The following TRAPPC9 variants were observed in gnomAD, a reference collection of about 807,000 sequenced individuals.
TRAPPC9 encodes trafficking protein particle complex subunit 9, also known as IKK2 binding protein.
TRAPPC9 carries 83 observed loss-of-function variants against 124.0 expected under a neutral mutation model. The ratio of observed to expected loss-of-function variants is 0.67; its 90% CI spans 0.56 to 0.80. The LOEUF (loss-of-function observed/expected upper bound fraction) is 0.80, where lower values mean the gene tolerates loss of function less well. TRAPPC9 is among the 30% of genes least tolerant of loss of function. The pLI is 0.00. For missense variants in TRAPPC9, 1,302 were observed against 1,508.3 expected (o/e 0.86, Z 2.27); for synonymous variants, 638 against 617.5 (o/e 1.03, Z -0.49).
intron 17 of TRAPPC9, among the ~76,000 whole-genome samples, chr8:140,073,950 A>C (rs1843345651): frequency 6.6e-6 from 1 of 152,178 alleles, no homozygotes; most frequent in Non-Finnish European, 1.5e-5. Context: ...TGACCTCATT[A>C]AATCCTCCCA....
intron 19 of TRAPPC9, among the ~76,000 whole-genome samples, chr8:139,963,459 AT>A (rs2131572546): frequency 6.6e-6 from 1 of 152,268 alleles, no homozygotes; most frequent in South Asian, 2.1e-4. Context: ...TTTCATCCTT[AT>A]TCCCTGGGTG....
chr8:140,175,247 G>A (rs563958272), intron 17 of TRAPPC9, among the ~76,000 whole-genome samples: 72 of 151,956 alleles, frequency 4.7e-4, no homozygotes, highest in African/African-American at 1.6e-3. Context: ...TCATCCAATA[G>A]TTGCCCCAAA....
At chr8:140,265,797 A>T (rs575908629) in intron 15 of TRAPPC9, among the ~76,000 whole-genome samples, 88 of 152,344 alleles carry the variant, frequency 5.8e-4, no homozygotes, top group African/African-American at 2.0e-3. Flanking sequence ...TGAACTTGAG[A>T]CATGTAAGAA....
intron 14 of TRAPPC9, among the ~76,000 whole-genome samples, chr8:140,277,256 G>A (rs1330712299): frequency 1.3e-5 from 2 of 152,232 alleles, no homozygotes; most frequent in Non-Finnish European, 2.9e-5. Context: ...TGATAGAGGA[G>A]CTTCTGCATC....
At chr8:140,376,209 A>G (rs2068432350) in intron 7 of TRAPPC9, among the ~76,000 whole-genome samples, 1 of 152,136 alleles carries the variant, frequency 6.6e-6, no homozygotes, top group African/African-American at 2.4e-5. Context: ...CTTCAATAAG[A>G]CCTGGTCCCT....
chr8:140,300,528 G>A lies in TRAPPC9; in HGVS notation c.1709C>T (p.Pro570Leu), dbSNP rs2065945675. 6.2e-7 allele frequency: 1 copy of A among 1,614,116 alleles called. No homozygotes were observed. The change falls in exon 11 of 23, where the codon CCT (proline) becomes CTT (leucine). Residue 570 changes from proline (P) to leucine (L), a missense_variant. Pro to Leu is a moderately conservative substitution (Grantham distance 98). Coordinates refer to ENST00000438773, the MANE Select transcript of TRAPPC9 (RefSeq NM_001160372.4). ...LLGQNVSTKS[P>L]FIYSPIIAHN... ...TGCGATAATTGGTGAATAGATGAAA[G>A]GACTTTTGGTTGACACGTTCTGACC...
chr8:140,184,740 A>C (rs1157325239), intron 17 of TRAPPC9, among the ~76,000 whole-genome samples: 1 of 152,132 alleles, frequency 6.6e-6, no homozygotes, highest in Non-Finnish European at 1.5e-5. Context: ...CCTAAATACC[A>C]TTTTTATAAT....
chr8:140,350,680 C>T (rs2067540058), intron 9 of TRAPPC9, among the ~76,000 whole-genome samples: 1 of 151,936 alleles, frequency 6.6e-6, no homozygotes, highest in Non-Finnish European at 1.5e-5. Context: ...CAGAAGCGCA[C>T]CGTTCAAGAT....
At position 140,300,737 on chromosome 8, in the gene TRAPPC9, G is replaced by A. The variant is rs376795700; in HGVS notation, c.1623-123C>T. ...CAGTCAGAAGGAAGATAAATGGAGG[G>A]AGGAAAAGCACTCCGAGGCATCAGG... is the stretch of plus-strand genomic sequence containing the variant. On this transcript the variant is annotated intron_variant, in intron 10 of 22. Transcript: ENST00000438773. 3.4e-4 allele frequency: 417 copies of A among 1,224,472 alleles called. 1 individual carries two copies. The African/African-American group carries it at 5.1e-3, about 15-fold the overall frequency. 75.9% of individuals were successfully genotyped at this position (1,224,472 alleles called of 1,614,324 possible). A position where few individuals can be genotyped will look rare whatever the true frequency, so the allele number is the denominator to read the frequency against.
intron 17 of TRAPPC9, among the ~76,000 whole-genome samples, chr8:140,117,905 T>G (rs2060919707): frequency 6.6e-6 from 1 of 152,142 alleles, no homozygotes; most frequent in Non-Finnish European, 1.5e-5. Flanking sequence ...AAATAAAAAA[T>G]AGATTTATCT....
chr8:140,080,222 A>G (rs58178237), intron 17 of TRAPPC9, among the ~76,000 whole-genome samples: 10,584 of 152,230 alleles, frequency 0.07, 436 homozygotes, highest in African/African-American at 0.1. Flanking sequence ...TTCTCCCTGT[A>G]ACTTAACACT....
rs566264011 is a variant in TRAPPC9 at position 140,454,310 on chromosome 8, T to C, written c.-10-2927A>G. ...TCTCAAAAAAATTAATAAATAAAAA[T>C]GATTTAAAAATAAAAACTATCGTCT... is the stretch of plus-strand genomic sequence containing the variant. On this transcript the variant is annotated intron_variant, in intron 1 of 22. Transcript: ENST00000438773. 2.9e-3 allele frequency among the ~76,000 whole-genome samples: 441 copies of C among 149,556 alleles called. 2 individuals carry two copies. The highest frequency in any genetic ancestry group is 0.01 in the African/African-American group (415 of 40,530).
intron 21 of TRAPPC9, among the ~76,000 whole-genome samples, chr8:139,849,103 C>G (rs980100093): frequency 3.9e-5 from 6 of 152,198 alleles, no homozygotes; most frequent in Non-Finnish European, 7.3e-5. Flanking sequence ...CTCTGGATGA[C>G]AAATCACCAG....
At chr8:139,925,827 G>GCACACACACA (rs56794885) in intron 19 of TRAPPC9, among the ~76,000 whole-genome samples, 29 of 68,754 alleles carry the variant, frequency 4.2e-4, no homozygotes, top group Admixed American at 2.8e-3. Flanking sequence ...ACACGCACAC[G>GCACACACACA]CACACACACA....
intron 17 of TRAPPC9, among the ~76,000 whole-genome samples, chr8:140,069,687 CAG>C (rs1387989796): frequency 6.6e-6 from 1 of 152,110 alleles, no homozygotes; most frequent in East Asian, 1.9e-4. Context: ...CAATCAGACA[CAG>C]TGTGTGTGCA....
intron 9 of TRAPPC9, among the ~76,000 whole-genome samples, chr8:140,332,835 C>G (rs527448108): frequency 3.8e-4 from 58 of 152,146 alleles, no homozygotes; most frequent in Non-Finnish European, 6.8e-4. Flanking sequence ...AAAATAAATT[C>G]GATGTAAGGA....
intron 17 of TRAPPC9, among the ~76,000 whole-genome samples, chr8:140,156,961 T>G (rs1172699111): frequency 1.0e-5 from 1 of 99,560 alleles, no homozygotes; most frequent in African/African-American, 4.4e-5. Flanking sequence ...AAAGCCTCCC[T>G]TTTCCATTCA....
chr8:139,947,907 T>TATATATATATATATATAGAGAGAG, intron 19 of TRAPPC9, among the ~76,000 whole-genome samples: 17 of 60,346 alleles, frequency 2.8e-4, no homozygotes, highest in South Asian at 2.7e-3. Flanking sequence ...TATATATATA[T>TATATATATATATATATAGAGAGAG]AGAGAGAGAG....
chr8:140,159,778 G>A (rs1007414876), intron 17 of TRAPPC9, among the ~76,000 whole-genome samples: 6 of 152,096 alleles, frequency 3.9e-5, no homozygotes, highest in African/African-American at 1.2e-4. Context: ...CATGAGAAAG[G>A]GCAGCCCTGT....
Sources: allele counts gnomAD v4.1 joint callset (sites outside exome capture counted in the v4.1 genomes callset), GRCh38; gene constraint gnomAD v4.1.1; transcripts MANE v1.5; gene names NCBI Gene and HGNC (gene_info 2026-07-23, HGNC 2026-07-21).